The following INPP4B variants were observed in gnomAD, a reference collection of about 807,000 sequenced individuals.
INPP4B encodes inositol polyphosphate-4-phosphatase type II B.
A neutral mutation model predicts 122.5 loss-of-function variants in INPP4B; 55 were observed. The ratio of observed to expected loss-of-function variants is 0.45; its 90% CI spans 0.36 to 0.56. The LOEUF is 0.56. Among genes scored for constraint, INPP4B ranks in the 20% least tolerant of loss-of-function variants. The pLI is 0.00. For missense variants in INPP4B, 1,000 were observed against 1,097.7 expected (o/e 0.91, Z 1.26); for synonymous variants, 403 against 388.7 (o/e 1.04, Z -0.43).
intron 12 of INPP4B, among the ~76,000 whole-genome samples, chr4:142,230,616 C>T (rs1244265203): frequency 2.1e-5 from 3 of 144,554 alleles, no homozygotes; most frequent in African/African-American, 7.7e-5. Flanking sequence ...GCACTCCAGC[C>T]TGGGCAACAG....
intron 9 of INPP4B, among the ~76,000 whole-genome samples, chr4:142,292,705 C>A (rs1756955669): frequency 6.6e-6 from 1 of 152,082 alleles, no homozygotes; most frequent in African/African-American, 2.4e-5. Context: ...ATTATGATAC[C>A]TTAAATTTGT....
chr4:142,578,198 T>A (rs1734261169), intron 2 of INPP4B, among the ~76,000 whole-genome samples: 1 of 152,004 alleles, frequency 6.6e-6, no homozygotes, highest in African/African-American at 2.4e-5. Flanking sequence ...GATTGGCTGA[T>A]GAATTCATCT....
At chr4:142,332,298 C>T (rs932868165) in intron 7 of INPP4B, among the ~76,000 whole-genome samples, 1 of 151,776 alleles carries the variant, frequency 6.6e-6, no homozygotes, top group Admixed American at 6.6e-5. Context: ...CTTTATTTTC[C>T]GTTTAAAATA....
At chr4:142,571,761 A>G (rs962742222) in intron 2 of INPP4B, among the ~76,000 whole-genome samples, 2 of 152,294 alleles carry the variant, frequency 1.3e-5, no homozygotes, top group Middle Eastern at 3.4e-3. Context: ...CAAAGAGTCA[A>G]TTTGAATAAG....
chr4:142,285,983 C>T lies in INPP4B; in HGVS notation c.504-15209G>A, dbSNP rs558987256. ...TAGTCTTAACTCTGCATTACTAAATCATCTGGTAATTATTTTAGAGGTCAA... is the reference window on the plus strand; with the variant it reads ...TAGTCTTAACTCTGCATTACTAAATTATCTGGTAATTATTTTAGAGGTCAA... On this transcript the variant is annotated intron_variant, in intron 9 of 25. Coordinates refer to ENST00000262992, the MANE Select transcript of INPP4B (RefSeq NM_001101669.3). Among the ~76,000 whole-genome samples the T allele has an allele frequency of 2.0e-5, 3 of 152,262 alleles. No homozygotes were observed. In the East Asian group the frequency reaches 5.8e-4, roughly 29 times the overall value.
intron 7 of INPP4B, among the ~76,000 whole-genome samples, chr4:142,348,239 G>C (rs949121423): frequency 1.1e-3 from 167 of 152,116 alleles, no homozygotes; most frequent in African/African-American, 3.9e-3. Flanking sequence ...TCATTGAAGA[G>C]CCTGTCTCCA....
At chr4:142,679,386 A>G (rs772487869) in intron 2 of INPP4B, among the ~76,000 whole-genome samples, 32 of 151,942 alleles carry the variant, frequency 2.1e-4, no homozygotes, top group Non-Finnish European at 4.6e-4. Flanking sequence ...GTCCTCTGGT[A>G]AAGTCTTGCA....
intron 1 of INPP4B, among the ~76,000 whole-genome samples, chr4:142,791,770 G>T (rs970221794): frequency 3.3e-5 from 5 of 151,980 alleles, no homozygotes; most frequent in African/African-American, 9.7e-5. Flanking sequence ...CCACCCTCCT[G>T]TAAAGTGTGC....
rs186960934 is a variant in INPP4B at position 142,389,360 on chromosome 4, C to T, written c.372+13578G>A. Among the ~76,000 whole-genome samples, 388 of 151,782 alleles carry T rather than the reference C, an allele frequency of 2.6e-3. 1 individual carries two copies. Among genetic ancestry groups the T allele is most frequent in the African/African-American group, 8.3e-3 (345 of 41,392 alleles). ...ATATGTGTCATGTGTATAATGTTTC[C>T]GTAAAAGAGCTCTAATTAATTGGCT... On this transcript the variant is annotated intron_variant, in intron 7 of 25. Transcript: ENST00000262992.
intron 2 of INPP4B, among the ~76,000 whole-genome samples, chr4:142,598,023 C>T (rs1455665379): frequency 6.6e-6 from 1 of 152,136 alleles, no homozygotes; most frequent in African/African-American, 2.4e-5. Context: ...CACACCTGTC[C>T]TCCCCAGAAA....
At chr4:142,466,926 A>G (rs1242221602) in intron 2 of INPP4B, among the ~76,000 whole-genome samples, 1 of 152,202 alleles carries the variant, frequency 6.6e-6, no homozygotes, top group East Asian at 1.9e-4. Context: ...AAGCTGCCAT[A>G]AGCCTTGGTT....
rs181579515 is a variant in INPP4B at position 142,651,548 on chromosome 4, G to A, written c.-191+74291C>T. Among the ~76,000 whole-genome samples, 37 of 152,154 alleles carry A rather than the reference G, an allele frequency of 2.4e-4. No individual in the cohort carries two copies. In the South Asian group the frequency reaches 4.4e-3, roughly 18 times the overall value. ...AACTGATAAAGGGGATATCACCACC[G>A]ATCCCACAGTAATACAAACTACCAT... is the stretch of plus-strand genomic sequence containing the variant. On this transcript the variant is annotated intron_variant, in intron 2 of 25. Transcript: ENST00000262992.
intron 2 of INPP4B, among the ~76,000 whole-genome samples, chr4:142,700,183 C>G (rs1008515283): frequency 3.3e-5 from 5 of 151,802 alleles, no homozygotes; most frequent in African/African-American, 1.2e-4. Context: ...CTGATGATGC[C>G]AAGTAGTATC....
At chr4:142,716,187 T>C (rs1321656072) in intron 2 of INPP4B, among the ~76,000 whole-genome samples, 1 of 152,238 alleles carries the variant, frequency 6.6e-6, no homozygotes, top group Non-Finnish European at 1.5e-5. Context: ...AACGAGGTTC[T>C]GGAAAAACAT....
intron 25 of INPP4B, among the ~76,000 whole-genome samples, chr4:142,072,325 G>A (rs886316922): frequency 1.4e-4 from 22 of 151,900 alleles, no homozygotes; most frequent in African/African-American, 4.6e-4. Context: ...ATCACACATC[G>A]GGGCCTGTCA....
intron 18 of INPP4B, among the ~76,000 whole-genome samples, chr4:142,128,733 T>A (rs1799845318): frequency 2.0e-5 from 3 of 152,136 alleles, no homozygotes; most frequent in Non-Finnish European, 4.4e-5. Context: ...CTCCGGCATA[T>A]TCAAGGGAAG....
At chr4:142,119,331 A>G (rs1046652451) in intron 21 of INPP4B, among the ~76,000 whole-genome samples, 1 of 152,214 alleles carries the variant, frequency 6.6e-6, no homozygotes, top group African/African-American at 2.4e-5. Context: ...ATGCTGCTAT[A>G]AAGGCATATG....
intron 2 of INPP4B, among the ~76,000 whole-genome samples, chr4:142,651,408 T>A (rs1016361850): frequency 6.6e-6 from 1 of 152,180 alleles, no homozygotes; most frequent in Non-Finnish European, 1.5e-5. Flanking sequence ...TAAAAAATTC[T>A]TCAAAAAATA....
At chr4:142,808,121 C>T (rs1779079334) in intron 1 of INPP4B, among the ~76,000 whole-genome samples, 1 of 151,990 alleles carries the variant, frequency 6.6e-6, no homozygotes, top group African/African-American at 2.4e-5. Flanking sequence ...CACACACACA[C>T]ACACGAAAAG....
Sources: gnomAD v4.1 joint callset for allele counts (sites outside exome capture counted in the v4.1 genomes callset) on GRCh38, gnomAD v4.1.1 for gene constraint, MANE v1.5 for transcripts, NCBI Gene and HGNC (gene_info 2026-07-23, HGNC 2026-07-21) for gene names.